Variants in PCDH7 observed in about 807,000 individuals in gnomAD.
The protein encoded by PCDH7 is protocadherin-7.
In PCDH7, 17 loss-of-function variants were observed where a neutral mutation model predicts 58.9. That is an observed-to-expected ratio of 0.29 (90% CI 0.20 to 0.43). The LOEUF (loss-of-function observed/expected upper bound fraction) is 0.43. Ranked by LOEUF, PCDH7 falls within the 20% of genes least tolerant of loss-of-function variation. The pLI is 1.00. For missense variants in PCDH7, 1,274 were observed against 1,441.0 expected (o/e 0.88, Z 1.88); for synonymous variants, 664 against 616.4 (o/e 1.08, Z -1.14).
intron 1 of PCDH7, among the ~76,000 whole-genome samples, chr4:30,790,977 CT>C (rs1724050786): frequency 6.6e-6 from 1 of 151,922 alleles, no homozygotes; most frequent in African/African-American, 2.4e-5. Flanking sequence ...TAAATACATG[CT>C]GTAGACAGAA....
At chr4:30,847,496 A>G (rs1262606128) in intron 1 of PCDH7, among the ~76,000 whole-genome samples, 1 of 152,182 alleles carries the variant, frequency 6.6e-6, no homozygotes, top group Admixed American at 6.6e-5. Context: ...ACTTGCCAAA[A>G]TGTTTGTTTG....
chr4:30,745,197 T>C (rs1717611138), intron 1 of PCDH7, among the ~76,000 whole-genome samples: 1 of 152,166 alleles, frequency 6.6e-6, no homozygotes, highest in Non-Finnish European at 1.5e-5. Flanking sequence ...ATCTGAGTCA[T>C]AAATTATATT....
chr4:30,805,661 G>A (rs887248641), intron 1 of PCDH7, among the ~76,000 whole-genome samples: 12 of 152,220 alleles, frequency 7.9e-5, no homozygotes, highest in African/African-American at 2.2e-4. Flanking sequence ...CCAACCAGTT[G>A]GTTTAGGGTA....
intron 1 of PCDH7, among the ~76,000 whole-genome samples, chr4:30,807,665 T>C (rs1295005174): frequency 6.6e-6 from 1 of 152,170 alleles, no homozygotes. Context: ...ACAACAAATA[T>C]TCTATTTTTG....
At chr4:30,916,939 G>T (rs1443201341) in intron 1 of PCDH7, among the ~76,000 whole-genome samples, 3 of 152,054 alleles carry the variant, frequency 2.0e-5, no homozygotes, top group African/African-American at 4.8e-5. Context: ...CAAGTTCTCT[G>T]GGTGATACTA....
intron 1 of PCDH7, among the ~76,000 whole-genome samples, chr4:30,763,314 G>C (rs919590190): frequency 1.5e-4 from 23 of 152,138 alleles, no homozygotes; most frequent in African/African-American, 5.6e-4. Flanking sequence ...ATATTGATTA[G>C]TCAATGAGTA....
intron 3 of PCDH7, among the ~76,000 whole-genome samples, chr4:31,080,213 A>G (rs149399846): frequency 6.6e-6 from 1 of 152,286 alleles, no homozygotes; most frequent in African/African-American, 2.4e-5. Context: ...TTTGAGTTGT[A>G]AAATGTCACC....
intron 3 of PCDH7, among the ~76,000 whole-genome samples, chr4:31,082,363 A>G (rs1711606677): frequency 6.6e-6 from 1 of 152,218 alleles, no homozygotes; most frequent in Non-Finnish European, 1.5e-5. Flanking sequence ...TGTAGATTAC[A>G]TTGTTTTTTT....
At chr4:31,118,898 C>T (rs1578846451) in intron 3 of PCDH7, among the ~76,000 whole-genome samples, 1 of 152,114 alleles carries the variant, frequency 6.6e-6, no homozygotes, top group Admixed American at 6.5e-5. Context: ...TCGTAAACCT[C>T]AATATATATG....
chr4:30,860,288 G>A (rs942546254), intron 1 of PCDH7, among the ~76,000 whole-genome samples: 7 of 151,948 alleles, frequency 4.6e-5, no homozygotes, highest in African/African-American at 1.7e-4. Context: ...GTTTCCTAAG[G>A]GGATAAAAGA....
At chr4:30,916,129 A>AT (rs1346074661) in intron 1 of PCDH7, among the ~76,000 whole-genome samples, 1 of 152,206 alleles carries the variant, frequency 6.6e-6, no homozygotes, top group Non-Finnish European at 1.5e-5. Flanking sequence ...ATAAAAATAA[A>AT]TGGAGGTCTA....
intron 3 of PCDH7, among the ~76,000 whole-genome samples, chr4:31,069,265 A>C (rs1208321530): frequency 6.6e-6 from 1 of 152,070 alleles, no homozygotes; most frequent in Non-Finnish European, 1.5e-5. Flanking sequence ...ACTCAGAAAC[A>C]CTAATGCATG....
Position 30,766,535 on chromosome 4 carries a change from G to T in PCDH7, c.70+41939G>T, listed in dbSNP as rs1413365052. Among the ~76,000 whole-genome samples the T allele has an allele frequency of 3.3e-5, 5 of 152,064 alleles. No individual in the cohort carries two copies. In the East Asian group the frequency reaches 9.7e-4, roughly 29 times the overall value. On this transcript the variant is annotated intron_variant, in intron 1 of 3. Coordinates refer to the PCDH7 transcript ENST00000509759. Reference sequence around the variant, plus strand: ...TAATCTTAAGACAACTGCATTAGGGGGTAGAAGGAAACACAGATTTTTAAA... The same window carrying T: ...TAATCTTAAGACAACTGCATTAGGGTGTAGAAGGAAACACAGATTTTTAAA...
At chr4:30,970,479 A>G (rs187982868) in intron 3 of PCDH7, among the ~76,000 whole-genome samples, 1,054 of 88,968 alleles carry the variant, frequency 0.012, 10 homozygotes, top group African/African-American at 0.077. Context: ...TATTTTTAGT[A>G]GAGACAGGTT....
intron 3 of PCDH7, among the ~76,000 whole-genome samples, chr4:31,124,034 G>A (rs1261645560): frequency 6.6e-6 from 1 of 152,068 alleles, no homozygotes; most frequent in Non-Finnish European, 1.5e-5. Context: ...GTGGAGCTTG[G>A]GGTTTTTATG....
chr4:30,974,476 C>A (rs540514068), intron 3 of PCDH7, among the ~76,000 whole-genome samples: 6 of 152,004 alleles, frequency 3.9e-5, no homozygotes, highest in African/African-American at 1.5e-4. Flanking sequence ...TAGAGACTTT[C>A]TTCCACCACA....
chr4:30,915,860 T>C (rs1376671237), intron 1 of PCDH7, among the ~76,000 whole-genome samples: 1 of 152,138 alleles, frequency 6.6e-6, no homozygotes, highest in African/African-American at 2.4e-5. Context: ...TCTAGCAATA[T>C]GGAGTATGGA....
At chr4:30,931,146 T>C (rs1345478779) in intron 2 of PCDH7, among the ~76,000 whole-genome samples, 1 of 152,106 alleles carries the variant, frequency 6.6e-6, no homozygotes, top group African/African-American at 2.4e-5. Context: ...GTATTTTGTG[T>C]TTTTACCACC....
intron 3 of PCDH7, among the ~76,000 whole-genome samples, chr4:31,022,296 G>A (rs1369579747): frequency 6.6e-6 from 1 of 152,140 alleles, no homozygotes; most frequent in Non-Finnish European, 1.5e-5. Context: ...GAGATTTTGT[G>A]ATTTTTCACA....
Sources: gnomAD v4.1 joint callset for allele counts (sites outside exome capture counted in the v4.1 genomes callset) on GRCh38, gnomAD v4.1.1 for gene constraint, MANE v1.5 for transcripts, NCBI Gene and HGNC (gene_info 2026-07-23, HGNC 2026-07-21) for gene names.